Variants in PPP4R2 observed in about 807,000 individuals in gnomAD.
The protein encoded by PPP4R2 is protein phosphatase 4 regulatory subunit 2, also known as serine/threonine-protein phosphatase 4 regulatory subunit 2.
Under a neutral mutation model 47.2 loss-of-function variants are expected in PPP4R2, and 13 were observed. The observed-to-expected ratio is 0.28, with a 90% confidence interval of 0.18 to 0.44. The LOEUF (loss-of-function observed/expected upper bound fraction) is 0.44, where lower values mean the gene tolerates loss of function less well. PPP4R2 is among the 20% of genes least tolerant of loss of function. The probability of loss-of-function intolerance (pLI) is 1.00; values close to 1 mark genes in which losing one functional copy is unlikely to be tolerated. For synonymous variants in PPP4R2, 151 were observed against 163.3 expected (o/e 0.92, Z 0.57); for missense variants, 421 against 491.2 (o/e 0.86, Z 1.35).
At chr3:73,065,321 T>C (rs1286983054) in intron 8 of PPP4R2, 76 bp from the exon 9 acceptor site, 1 of 1,417,420 alleles carries the variant, frequency 7.1e-7, no homozygotes. Context: ...CTATAGAATA[T>C]CAGAATTCAT....
chr3:73,043,760 C>T (rs1702427402), intron 2 of PPP4R2, among the ~76,000 whole-genome samples: 1 of 152,180 alleles, frequency 6.6e-6, no homozygotes, highest in Non-Finnish European at 1.5e-5. Flanking sequence ...TTGAAATATA[C>T]CTAATGTAAA....
intron 2 of PPP4R2, among the ~76,000 whole-genome samples, chr3:73,038,420 GTGGAGTGCAGTGTCACCCAGGC>G (rs1020964129): frequency 6.6e-5 from 10 of 151,626 alleles, no homozygotes; most frequent in East Asian, 5.8e-4. Flanking sequence ...CTGTCACCCA[GTGGAGTGCAGTGTCACCCAGGC>G]TGGAGTGCAG....
rs1316175321 is a variant in PPP4R2 at position 73,062,070 on chromosome 3, T to C, written c.419+1010T>C. On this transcript the variant is annotated intron_variant, in intron 5 of 8. Transcript: ENST00000356692. ...GGTAAAGAAGTGCAGAGTCAAGTCA[T>C]AGCGACTAATAATGGGTTATTTTCT... is the stretch of plus-strand genomic sequence containing the variant. 1.2e-5 allele frequency: 18 copies of C among 1,514,812 alleles called. No homozygotes were observed. In the East Asian group the frequency reaches 1.2e-4, roughly 10 times the overall value. 93.8% of individuals were successfully genotyped at this position (1,514,812 alleles called of 1,614,324 possible). A position where few individuals can be genotyped will look rare whatever the true frequency, so the allele number is the denominator to read the frequency against.
intron 2 of PPP4R2, among the ~76,000 whole-genome samples, chr3:73,020,672 T>A (rs1284129631): frequency 5.3e-5 from 7 of 133,224 alleles, no homozygotes; most frequent in African/African-American, 1.5e-4. Context: ...CCTGTCTCTT[T>A]AAAAAAAAAA....
Position 73,063,993 on chromosome 3 carries a change from CTTA to C in PPP4R2, c.495-5_495-3del, listed in dbSNP as rs767166096. 51 of 1,574,034 alleles carry C rather than the reference CTTA, an allele frequency of 3.2e-5. No individual in the cohort carries two copies. Among genetic ancestry groups the C allele is most frequent in the Admixed American group, 1.4e-4 (7 of 48,914 alleles). ...AAAATAGGAAATGATGTTCATTTAT[CTTA>C]TTATAGGTCTAATATAAATGGGCCT... On this transcript the variant is annotated splice_region_variant and splice_polypyrimidine_tract_variant and intron_variant, in intron 6 of 8. Coordinates refer to ENST00000356692, the MANE Select transcript of PPP4R2 (RefSeq NM_174907.4).
chr3:73,008,362 C>T (rs1257840325), intron 2 of PPP4R2, among the ~76,000 whole-genome samples: 2 of 152,166 alleles, frequency 1.3e-5, no homozygotes, highest in Non-Finnish European at 2.9e-5. Flanking sequence ...TTTTTCATCA[C>T]ATCATGTAAA....
intron 2 of PPP4R2, among the ~76,000 whole-genome samples, chr3:73,000,417 T>C (rs926930921): frequency 1.3e-5 from 2 of 152,212 alleles, no homozygotes; most frequent in African/African-American, 4.8e-5. Context: ...TATGTGAAAC[T>C]GTTTATGGAT....
chr3:73,039,863 G>C (rs559591750), intron 2 of PPP4R2, among the ~76,000 whole-genome samples: 1 of 152,268 alleles, frequency 6.6e-6, no homozygotes, highest in South Asian at 2.1e-4. Flanking sequence ...AGACCAGCCT[G>C]GCCAACATGG....
rs1338040858 is a variant in PPP4R2, at chr3:73,068,455, T to C, written c.*2733T>C. On this transcript the variant is annotated 3_prime_UTR_variant, in exon 9 of 9. Transcript: ENST00000356692. ...CCTTGTACATTTTTGAAAAATATAT[T>C]TTCAGTTCTGAAAAATGTAGCAGAA... is the stretch of plus-strand genomic sequence containing the variant. 6 of 152,220 alleles carry C rather than the reference T, an allele frequency of 3.9e-5. No homozygotes were observed. The highest frequency in any genetic ancestry group is 1.4e-4 in the African/African-American group (6 of 41,462). 9.4% of individuals were successfully genotyped at this position (152,220 alleles called of 1,614,324 possible).
intron 2 of PPP4R2, among the ~76,000 whole-genome samples, chr3:73,036,027 G>T (rs966131687): frequency 4.6e-5 from 7 of 152,112 alleles, no homozygotes; most frequent in African/African-American, 7.2e-5. Flanking sequence ...GTATATATAC[G>T]CACACACACA....
chr3:73,028,299 A>G (rs1035295131), intron 2 of PPP4R2, among the ~76,000 whole-genome samples: 11 of 150,850 alleles, frequency 7.3e-5, no homozygotes, highest in African/African-American at 2.2e-4. Flanking sequence ...TCAGCCTCCC[A>G]AAGGCTGGGA....
chr3:73,065,028 T>A lies in PPP4R2; in HGVS notation c.815T>A (p.Met272Lys). ...QTTSSEISSV[M>K]VGETEASSSS... ...ACTTCCAGCGAAATTTCTTCAGTTA[T>A]GGTAGGAGAAACAGAAGCATCATCT... Residue 272 changes from methionine to lysine, a missense_variant, in exon 8 of 9, where the codon ATG becomes AAG. This residue lies in a region of PPP4R2 where 317 missense variants were observed against 287.5 expected (regional missense o/e 1.10). Coordinates refer to ENST00000356692, the MANE Select transcript of PPP4R2 (RefSeq NM_174907.4). The A allele has an allele frequency of 6.2e-7, 1 of 1,613,932 alleles. No individual in the cohort carries two copies. Among genetic ancestry groups the A allele is most frequent in the Non-Finnish European group, 8.5e-7 (1 of 1,179,866 alleles).
At chr3:73,063,830 G>C in intron 6 of PPP4R2, 83 bp downstream of exon 6, 2 of 1,183,466 alleles carry the variant, frequency 1.7e-6, no homozygotes, top group Non-Finnish European at 2.5e-6. Flanking sequence ...TTTAAAAATT[G>C]GGCATTTTAT....
At chr3:73,061,555 G>T (rs1702858262) in intron 5 of PPP4R2, 1 of 155,706 alleles carries the variant, frequency 6.4e-6, no homozygotes, top group Admixed American at 6.4e-5. Flanking sequence ...GTGTCCTGGG[G>T]ATTATAAGAG....
chr3:73,040,339 CAA>C (rs1575869495), intron 2 of PPP4R2, among the ~76,000 whole-genome samples: 1 of 152,168 alleles, frequency 6.6e-6, no homozygotes, highest in East Asian at 1.9e-4. Context: ...AAGGTTGAAA[CAA>C]AAGTCTTGAC....
chr3:73,012,127 T>C (rs555464936), intron 2 of PPP4R2, among the ~76,000 whole-genome samples: 15 of 152,230 alleles, frequency 9.9e-5, no homozygotes, highest in Non-Finnish European at 2.1e-4. Flanking sequence ...GTCCCTGATG[T>C]AAAGTGGTAT....
chr3:73,062,047 TA>T (rs1559569498), intron 5 of PPP4R2: 9 of 1,447,858 alleles, frequency 6.2e-6, no homozygotes, highest in Non-Finnish European at 7.4e-6. Flanking sequence ...GGAAAAATGG[TA>T]AAGAAGTGCA....
At chr3:73,035,917 A>G (rs770273007) in intron 2 of PPP4R2, among the ~76,000 whole-genome samples, 1 of 152,210 alleles carries the variant, frequency 6.6e-6, no homozygotes, top group Non-Finnish European at 1.5e-5. Flanking sequence ...CGCCCGGCCA[A>G]TACCTGCACT....
At chr3:72,997,306 G>A in intron 1 of PPP4R2, 2 of 398,536 alleles carry the variant, frequency 5.0e-6, no homozygotes, top group Non-Finnish European at 4.5e-6. Context: ...GGGAGCCGGG[G>A]AAACTCTTGC....
Sources: gnomAD v4.1 joint callset for allele counts (sites outside exome capture counted in the v4.1 genomes callset) on GRCh38, gnomAD v4.1.1 for gene constraint, gnomAD v4.1.1 regional missense constraint, MANE v1.5 for transcripts, NCBI Gene and HGNC (gene_info 2026-07-23, HGNC 2026-07-21) for gene names.